TSPAN19: variants seen among roughly 807,000 people sequenced by gnomAD.
The protein encoded by TSPAN19 is tetraspanin 19, also known as tetraspanin-19.
TSPAN19 carries 44 observed loss-of-function variants against 35.1 expected under a neutral mutation model. The observed-to-expected ratio is 1.25, with a 90% CI of 0.98 to 1.61. TSPAN19 has a LOEUF of 1.61. Among genes scored for constraint, TSPAN19 ranks in the 40% most tolerant of loss-of-function variants. The probability of loss-of-function intolerance (pLI) is 0.00; values close to 1 mark genes in which losing one functional copy is unlikely to be tolerated. For synonymous variants in TSPAN19, 79 were observed against 92.0 expected (o/e 0.86, Z 0.81); for missense variants, 290 against 280.0 (o/e 1.04, Z -0.26).
chr12:85,017,267 G>A (rs571930489), intron 7 of TSPAN19, 189 bp downstream of exon 7: 90 of 556,158 alleles, frequency 1.6e-4, no homozygotes, highest in African/African-American at 1.5e-3. Context: ...TTTACTTTAC[G>A]TATTATACAC....
chr12:85,017,527 G>A lies in TSPAN19; in HGVS notation c.523C>T (p.Pro175Ser), dbSNP rs745478092. 4 of 1,603,444 alleles carry A rather than the reference G, an allele frequency of 2.5e-6. No homozygotes were observed. Among genetic ancestry groups the A allele is most frequent in the East Asian group, 4.5e-5 (2 of 44,494 alleles). ...AAAGTTGACTTTGTGCAAGAACATG[G>A]CACCTGTCCTGAATTTTCTTTGTTC... ...NKNKENSGQV[P>S]CSCTKSTLRK... The change falls in exon 7 of 9, where the codon CCA (proline) becomes TCA (serine). Residue 175 changes from proline to serine, a missense_variant. Transcript: ENST00000532498.
At chr12:85,016,722 T>C (rs1031602924) in intron 7 of TSPAN19, 1 of 151,898 alleles carries the variant, frequency 6.6e-6, no homozygotes, top group Admixed American at 6.6e-5. Flanking sequence ...TCTGGAATTT[T>C]CCACTTAATA....
chr12:85,016,247 TG>T, intron 7 of TSPAN19: 2 of 290,146 alleles, frequency 6.9e-6, no homozygotes, highest in Non-Finnish European at 1.3e-5. Flanking sequence ...TGCAGACTAT[TG>T]TAATTCATCA....
chr12:85,022,117 G>C (rs1383318378), intron 5 of TSPAN19, among the ~76,000 whole-genome samples: 3 of 152,046 alleles, frequency 2.0e-5, no homozygotes, highest in Admixed American at 1.3e-4. Flanking sequence ...AGGTTGAAAA[G>C]TTTGAGGATG....
chr12:85,022,658 C>T (rs917209684), intron 5 of TSPAN19, among the ~76,000 whole-genome samples: 3 of 152,058 alleles, frequency 2.0e-5, no homozygotes, highest in Non-Finnish European at 4.4e-5. Context: ...TGTATGACTT[C>T]AAGTACATGT....
intron 1 of TSPAN19, 121 bp from the exon 2 acceptor site, chr12:85,030,094 C>A: frequency 3.9e-6 from 3 of 771,998 alleles, no homozygotes; most frequent in Non-Finnish European, 5.4e-6. Context: ...AACATACTTC[C>A]ATCTCTAAAT....
chr12:85,022,765 G>A (rs1013287414), intron 5 of TSPAN19, among the ~76,000 whole-genome samples: 3 of 152,008 alleles, frequency 2.0e-5, no homozygotes, highest in Non-Finnish European at 4.4e-5. Flanking sequence ...AGTAACTGTA[G>A]GTTGTAATAG....
intron 8 of TSPAN19, 101 bp downstream of exon 8, chr12:85,015,787 T>G: frequency 2.5e-6 from 2 of 809,520 alleles, no homozygotes; most frequent in South Asian, 1.8e-5. Flanking sequence ...GGCTCTATTA[T>G]ATGAACTTAT....
At chr12:85,021,585 A>G (rs1285047405) in intron 5 of TSPAN19, among the ~76,000 whole-genome samples, 1 of 152,094 alleles carries the variant, frequency 6.6e-6, no homozygotes, top group African/African-American at 2.4e-5. Flanking sequence ...GTACTTTCCT[A>G]TGTAACCTAT....
chr12:85,015,784 T>C, intron 8 of TSPAN19, 104 bp downstream of exon 8: 2 of 777,532 alleles, frequency 2.6e-6, no homozygotes. Flanking sequence ...CCTGGCTCTA[T>C]TATATGAACT....
At chr12:85,019,581 A>AGTGG in intron 6 of TSPAN19, 45 bp downstream of exon 6, 2 of 1,177,844 alleles carry the variant, frequency 1.7e-6, no homozygotes, top group Non-Finnish European at 2.5e-6. Context: ...TCTGTCCCAC[A>AGTGG]GTGGTCAATA....
chr12:85,021,501 A>C (rs2135800391), intron 5 of TSPAN19, among the ~76,000 whole-genome samples: 1 of 152,212 alleles, frequency 6.6e-6, no homozygotes, highest in African/African-American at 2.4e-5. Flanking sequence ...GGGGTGAAAC[A>C]TATGGCCTCG....
Position 85,029,732 on chromosome 12 carries a change from A to AAAATTATTTCT in TSPAN19, c.115_125dup (p.Phe42LeufsTer6). 6.5e-7 allele frequency: 1 copy of AAAATTATTTCT among 1,538,638 alleles called. No individual in the cohort carries two copies. The highest frequency in any genetic ancestry group is 1.4e-5 in the African/African-American group (1 of 72,114). On this transcript the variant is annotated frameshift_variant, in exon 3 of 9. Transcript: ENST00000532498. LOFTEE classifies it high-confidence loss of function. Reference sequence around the variant, plus strand: ...ATAGATACATACCAAAAGCTGTTAAAAAATTATTTCTATCTAATAAGAGCC... The same window carrying AAAATTATTTCT: ...ATAGATACATACCAAAAGCTGTTAAAAAATTATTTCTAAATTATTTCTATCTAATAAGAGCC...
chr12:85,034,112 C>CA (rs1441055374), intron 1 of TSPAN19, among the ~76,000 whole-genome samples: 5 of 152,044 alleles, frequency 3.3e-5, no homozygotes, highest in Non-Finnish European at 7.4e-5. Context: ...GCTTGAGACA[C>CA]ACTTTAAGTG....
At chr12:85,021,581 T>G (rs953356937) in intron 5 of TSPAN19, among the ~76,000 whole-genome samples, 1 of 152,058 alleles carries the variant, frequency 6.6e-6, no homozygotes, top group Non-Finnish European at 1.5e-5. Flanking sequence ...ATAAGTACTT[T>G]CCTATGTAAC....
chr12:85,024,328 G>A (rs1877281828), intron 4 of TSPAN19, among the ~76,000 whole-genome samples: 1 of 152,188 alleles, frequency 6.6e-6, no homozygotes, highest in Non-Finnish European at 1.5e-5. Flanking sequence ...CTAGCTGGGA[G>A]TTTTCAGAAA....
chr12:85,014,867 T>C (rs1182705081), intron 8 of TSPAN19: 1 of 192,244 alleles, frequency 5.2e-6, no homozygotes, highest in East Asian at 1.2e-4. Context: ...GTTGTTGTTG[T>C]TCGATATCTT....
chr12:85,030,352 TA>T (rs1877626174), intron 1 of TSPAN19, among the ~76,000 whole-genome samples: 1 of 152,140 alleles, frequency 6.6e-6, no homozygotes, highest in Non-Finnish European at 1.5e-5. Flanking sequence ...AACCATTAGA[TA>T]GCCAGGAACA....
intron 4 of TSPAN19, among the ~76,000 whole-genome samples, chr12:85,026,100 T>A (rs1877396380): frequency 6.6e-6 from 1 of 152,168 alleles, no homozygotes; most frequent in Non-Finnish European, 1.5e-5. Context: ...ATGCCATTAA[T>A]GCTTGAATTA....
Sources: allele counts gnomAD v4.1 joint callset (sites outside exome capture counted in the v4.1 genomes callset), GRCh38; gene constraint gnomAD v4.1.1; transcripts MANE v1.5; gene names NCBI Gene and HGNC (gene_info 2026-07-23, HGNC 2026-07-21).